Variants in REV3L observed in about 807,000 individuals in gnomAD.
REV3L encodes the protein DNA polymerase zeta catalytic subunit.
Under a neutral mutation model 299.4 loss-of-function variants are expected in REV3L, and 69 were observed. The observed-to-expected ratio is 0.23, with a 90% CI of 0.19 to 0.28. The LOEUF is 0.28. Among genes scored for constraint, REV3L ranks in the 10% least tolerant of loss-of-function variants. The probability of loss-of-function intolerance (pLI) is 1.00; values close to 1 mark genes in which losing one functional copy is unlikely to be tolerated. For missense variants in REV3L, 3,128 were observed against 3,693.8 expected (o/e 0.85, Z 3.97); for synonymous variants, 1,238 against 1,271.4 (o/e 0.97, Z 0.56).
chr6:111,351,086 GA>G (rs1777526385), intron 19 of REV3L, among the ~76,000 whole-genome samples: 1 of 152,092 alleles, frequency 6.6e-6, no homozygotes, highest in Non-Finnish European at 1.5e-5. Context: ...ATTTTGGTAT[GA>G]ATATTATTAT....
Position 111,454,769 on chromosome 6 carries a change from C to T in REV3L, c.139+27981G>A, listed in dbSNP as rs560827481. ...ACAACCTCCATCTCCCAGGTTCAAG[C>T]GATTCTCCTGCCTCAGCCTCCCGAG... On this transcript the variant is annotated intron_variant, in intron 1 of 31. Transcript: ENST00000368802. Among the ~76,000 whole-genome samples the T allele has an allele frequency of 2.6e-4, 40 of 152,214 alleles. 1 individual carries two copies. Among genetic ancestry groups the T allele is most frequent in the South Asian group, 1.0e-3 (5 of 4,820 alleles).
intron 1 of REV3L, among the ~76,000 whole-genome samples, chr6:111,429,390 C>T (rs1174968420): frequency 6.6e-6 from 1 of 152,128 alleles, no homozygotes; most frequent in Non-Finnish European, 1.5e-5. Flanking sequence ...AAAAAATGCA[C>T]ATGGGAGTTC....
chr6:111,369,281 CAAAAAAAAAAAA>C (rs71021838), intron 13 of REV3L, among the ~76,000 whole-genome samples: 1 of 68,140 alleles, frequency 1.5e-5, no homozygotes, highest in South Asian at 5.7e-4. Context: ...GACTCTGTCT[CAAAAAAAAAAAA>C]AAAAAAAAAA....
At chr6:111,342,016 C>T (rs562411625) in intron 21 of REV3L, among the ~76,000 whole-genome samples, 1 of 152,114 alleles carries the variant, frequency 6.6e-6, no homozygotes, top group Non-Finnish European at 1.5e-5. Context: ...AGAGAAAGGC[C>T]TACTCTAGAT....
At chr6:111,317,977 A>C (rs1041220639) in intron 26 of REV3L, among the ~76,000 whole-genome samples, 22 of 152,334 alleles carry the variant, frequency 1.4e-4, no homozygotes, top group African/African-American at 5.1e-4. Context: ...TGCTTGTCCA[A>C]TCACTCACTG....
Position 111,300,008 on chromosome 6 carries a change from T to C in REV3L, c.*8A>G, listed in dbSNP as rs368202173. 171 of 1,610,432 alleles carry C rather than the reference T, an allele frequency of 1.1e-4. 1 individual carries two copies. Among genetic ancestry groups the C allele is most frequent in the Non-Finnish European group, 1.4e-4 (162 of 1,178,694 alleles). On this transcript the variant is annotated 3_prime_UTR_variant, in exon 32 of 32. Transcript: ENST00000368802. ...AAATAGCACCTGTAATACTGTGATA[T>C]TGACAATTTAAAACTGGTCTAATAA... is the stretch of plus-strand genomic sequence containing the variant.
At chr6:111,301,348 A>G (rs1037783615) in intron 31 of REV3L, among the ~76,000 whole-genome samples, 10 of 152,118 alleles carry the variant, frequency 6.6e-5, no homozygotes, top group South Asian at 2.1e-4. Flanking sequence ...TGCTGTTGTG[A>G]TATTTTACTG....
At chr6:111,469,209 A>G (rs1344741521) in intron 1 of REV3L, among the ~76,000 whole-genome samples, 1 of 152,088 alleles carries the variant, frequency 6.6e-6, no homozygotes, top group Non-Finnish European at 1.5e-5. Flanking sequence ...GATGATTAAC[A>G]CAGTAGTCTT....
At chr6:111,302,127 A>G (rs986722985) in intron 31 of REV3L, among the ~76,000 whole-genome samples, 1 of 152,210 alleles carries the variant, frequency 6.6e-6, no homozygotes, top group Non-Finnish European at 1.5e-5. Flanking sequence ...ACTTTTTCTA[A>G]GTAGACTGGT....
At chr6:111,302,577 C>CT (rs1771697580) in intron 31 of REV3L, among the ~76,000 whole-genome samples, 1 of 152,110 alleles carries the variant, frequency 6.6e-6, no homozygotes, top group Admixed American at 6.6e-5. Context: ...AATCTTTATT[C>CT]TTTTTACTAT....
At chr6:111,310,810 T>G (rs1772890311) in intron 29 of REV3L, 4 of 361,798 alleles carry the variant, frequency 1.1e-5, no homozygotes, top group African/African-American at 2.1e-5. Flanking sequence ...CTAGTGATTT[T>G]GATGTGGGAA....
At chr6:111,481,199 G>GA (rs1256155088) in intron 1 of REV3L, among the ~76,000 whole-genome samples, 1 of 152,138 alleles carries the variant, frequency 6.6e-6, no homozygotes, top group African/African-American at 2.4e-5. Flanking sequence ...TTATGATTCG[G>GA]AAATTTGGCT....
Position 111,374,097 on chromosome 6 carries a change from A to G in REV3L, c.4258T>C (p.Leu1420=), listed in dbSNP as rs1780061373. ...KLDQAYTPNF[L]HCKDSQQQIV... ...TGCTGCTGACTGTCTTTGCAATGCA[A>G]AAAATTAGGGGTATATGCTTGGTCC... Residue 1420 remains leucine (L), a synonymous_variant, in exon 13 of 32, where the codon TTG becomes CTG. Transcript: ENST00000368802. The G allele has an allele frequency of 1.2e-6, 2 of 1,614,136 alleles. No homozygotes were observed. Among genetic ancestry groups the G allele is most frequent in the Middle Eastern group, 1.6e-4 (1 of 6,062 alleles).
At chr6:111,391,367 T>C (rs1349860183) in intron 5 of REV3L, among the ~76,000 whole-genome samples, 1 of 152,150 alleles carries the variant, frequency 6.6e-6, no homozygotes, top group Non-Finnish European at 1.5e-5. Flanking sequence ...CGCCCTGGCC[T>C]TGAAACACTT....
At chr6:111,311,501 G>T in intron 28 of REV3L, 1 of 319,032 alleles carries the variant, frequency 3.1e-6, no homozygotes, top group Non-Finnish European at 5.6e-6. Context: ...GGAATGACAT[G>T]CAAATTAACA....
At chr6:111,465,830 T>C (rs1791436940) in intron 1 of REV3L, among the ~76,000 whole-genome samples, 1 of 149,302 alleles carries the variant, frequency 6.7e-6, no homozygotes, top group South Asian at 2.1e-4. Context: ...AAAATAGTGA[T>C]GAAAAACGAT....
At chr6:111,436,655 G>C (rs1787590339) in intron 1 of REV3L, among the ~76,000 whole-genome samples, 1 of 152,124 alleles carries the variant, frequency 6.6e-6, no homozygotes, top group Non-Finnish European at 1.5e-5. Flanking sequence ...GATGAAGAGA[G>C]GTTGATTAAG....
At chr6:111,480,809 G>A (rs576082522) in intron 1 of REV3L, among the ~76,000 whole-genome samples, 230 of 149,278 alleles carry the variant, frequency 1.5e-3, no homozygotes, top group African/African-American at 5.2e-3. Context: ...CCCCAATGGG[G>A]GTTTTTAGTC....
chr6:111,315,978 G>A (rs369274380), intron 26 of REV3L, among the ~76,000 whole-genome samples: 1 of 152,036 alleles, frequency 6.6e-6, no homozygotes, highest in African/African-American at 2.4e-5. Context: ...AGTGGCTCAC[G>A]CCTATAATCC....
Sources: gnomAD v4.1 joint callset for allele counts (sites outside exome capture counted in the v4.1 genomes callset) on GRCh38, gnomAD v4.1.1 for gene constraint, MANE v1.5 for transcripts, NCBI Gene and HGNC (gene_info 2026-07-23, HGNC 2026-07-21) for gene names.